The following RAB27A variants were observed in gnomAD, a reference collection of about 807,000 sequenced individuals.
The protein encoded by RAB27A is ras-related protein Rab-27A.
In RAB27A, 17 loss-of-function variants were observed where a neutral mutation model predicts 20.8. The observed-to-expected ratio is 0.82, with a 90% CI of 0.56 to 1.23. The LOEUF (loss-of-function observed/expected upper bound fraction) is 1.23, where lower values mean the gene tolerates loss of function less well. Ranked by LOEUF, RAB27A falls within the 50% of genes most tolerant of loss-of-function variation. The pLI, the probability that RAB27A is intolerant of heterozygous loss-of-function variation, is 0.00. For synonymous variants in RAB27A, 85 were observed against 92.8 expected, an observed-to-expected ratio of 0.92 and a Z score of 0.48; for missense variants, 277 against 266.7, an observed-to-expected ratio of 1.04 and a Z score of -0.27.
At chr15:55,248,376 G>A (rs573184213) in intron 2 of RAB27A, among the ~76,000 whole-genome samples, 1 of 152,264 alleles carries the variant, frequency 6.6e-6, no homozygotes, top group African/African-American at 2.4e-5. Flanking sequence ...CGGTTTGCAT[G>A]TGCAAAAAGT....
intron 2 of RAB27A, among the ~76,000 whole-genome samples, chr15:55,240,237 G>A (rs1037561240): frequency 1.3e-5 from 2 of 152,108 alleles, no homozygotes; most frequent in African/African-American, 4.8e-5. Flanking sequence ...TTTCAGGAAG[G>A]AGTAAACAGT....
intron 1 of RAB27A, chr15:55,317,901 T>C: frequency 2.6e-6 from 1 of 389,386 alleles, no homozygotes; most frequent in Non-Finnish European, 4.5e-6. Context: ...AGCCATCACT[T>C]AGTACAATGT....
chr15:55,229,470 G>A (rs561632933), intron 4 of RAB27A, among the ~76,000 whole-genome samples: 5 of 152,336 alleles, frequency 3.3e-5, no homozygotes, highest in Admixed American at 1.3e-4. Flanking sequence ...GAAGTCAGGA[G>A]TTAGAGACCA....
rs547870433 is a variant in RAB27A at position 55,262,399 on chromosome 15, G to A, written c.-23+7766C>T. On this transcript the variant is annotated intron_variant, in intron 2 of 6. Coordinates refer to ENST00000336787, the MANE Select transcript of RAB27A (RefSeq NM_183235.3). The stretch of plus-strand genomic sequence containing the variant: ...TACTCAAAATACAAAAAAATTAGCC[G>A]GGCGTGGTGGTAGGCACCTGTAGTC... Among the ~76,000 whole-genome samples, 706 of 151,724 alleles carry A rather than the reference G, an allele frequency of 4.7e-3. 1 individual carries two copies. Among genetic ancestry groups the A allele is most frequent in the Non-Finnish European group, 8.0e-3 (544 of 67,918 alleles).
At chr15:55,226,505 G>T (rs1486260612) in intron 5 of RAB27A, among the ~76,000 whole-genome samples, 3 of 139,188 alleles carry the variant, frequency 2.2e-5, no homozygotes, top group Admixed American at 1.4e-4. Flanking sequence ...TGATTTTTAT[G>T]TATTTGTGTG....
chr15:55,219,502 C>T (rs1367092291), intron 6 of RAB27A, among the ~76,000 whole-genome samples: 2 of 152,208 alleles, frequency 1.3e-5, no homozygotes, highest in African/African-American at 4.8e-5. Context: ...GCAGCAACAT[C>T]TAGAAACTGA....
In RAB27A at chr15:55,203,907, G is replaced by GT. The variant is rs1419924570; in HGVS notation, c.*1599dup. 7 of 152,116 alleles carry GT rather than the reference G, an allele frequency of 4.6e-5. No homozygotes were observed. Among genetic ancestry groups the GT allele is most frequent in the Admixed American group, 1.3e-4 (2 of 15,274 alleles). The allele number at this position is 152,116 out of a possible 1,614,324, so 9.4% of individuals were successfully genotyped here. A position where few individuals can be genotyped will look rare whatever the true frequency, so the allele number is the denominator to read the frequency against. On this transcript the variant is annotated 3_prime_UTR_variant, in exon 7 of 7. Transcript: ENST00000336787. Reference sequence around the variant, plus strand: ...GGAAGGACAGTGGAAAAAAAAATAGGTTTTTTCATGATACTTTTATTTTTC... The same window carrying GT: ...GGAAGGACAGTGGAAAAAAAAATAGGTTTTTTTCATGATACTTTTATTTTTC...
At chr15:55,245,117 G>A (rs28679526) in intron 2 of RAB27A, among the ~76,000 whole-genome samples, 3,983 of 152,160 alleles carry the variant, frequency 0.026, 205 homozygotes, top group African/African-American at 0.091. Context: ...AATGAGCCCT[G>A]GCCACAACTC....
chr15:55,300,313 A>G (rs142434196), intron 2 of RAB27A, among the ~76,000 whole-genome samples: 4 of 152,258 alleles, frequency 2.6e-5, no homozygotes, highest in Non-Finnish European at 5.9e-5. Flanking sequence ...CGGGAGTGCA[A>G]CCAGGGTGTC....
intron 1 of RAB27A, among the ~76,000 whole-genome samples, chr15:55,273,928 A>C (rs1897777865): frequency 6.6e-6 from 1 of 152,216 alleles, no homozygotes; most frequent in South Asian, 2.1e-4. Context: ...CTTTCTATCC[A>C]ACTAGAGGAG....
rs200956636 is a variant in RAB27A, at chr15:55,205,623, G to A, written c.550C>T (p.Arg184Ter). ...GACTTGTCCACACACCGTTCCATTC[G>A]CTTCATTATCAGGTCCAGAAGCATC... ...IEMLLDLIMK[R>*]MERCVDKSWI... Residue 184 changes from arginine (R) to a stop codon, truncating the protein, a stop_gained, in exon 7 of 7, where the codon CGA (arginine) becomes TGA (stop). Transcript: ENST00000336787. LOFTEE classifies it high-confidence loss of function. 1.0e-4 allele frequency: 162 copies of A among 1,613,920 alleles called. No homozygotes were observed. Among genetic ancestry groups the A allele is most frequent in the Non-Finnish European group, 1.3e-4 (148 of 1,179,976 alleles).
At chr15:55,316,243 A>AG (rs2141148685) in intron 1 of RAB27A, among the ~76,000 whole-genome samples, 1 of 152,052 alleles carries the variant, frequency 6.6e-6, no homozygotes, top group East Asian at 1.9e-4. Context: ...TCAAAAAAAA[A>AG]AAAAAAAAAA....
At chr15:55,242,690 C>T (rs1044344875) in intron 2 of RAB27A, among the ~76,000 whole-genome samples, 8 of 152,156 alleles carry the variant, frequency 5.3e-5, no homozygotes, top group Non-Finnish European at 1.2e-4. Context: ...TTTTGGGGCG[C>T]CCTATCCATC....
intron 2 of RAB27A, among the ~76,000 whole-genome samples, chr15:55,268,778 A>G (rs1169531839): frequency 1.3e-5 from 2 of 152,208 alleles, no homozygotes; most frequent in African/African-American, 4.8e-5. Flanking sequence ...TCATATTAAG[A>G]AGCTTTTCAG....
intron 5 of RAB27A, among the ~76,000 whole-genome samples, chr15:55,226,278 A>G (rs1895790502): frequency 6.6e-6 from 1 of 152,032 alleles, no homozygotes; most frequent in South Asian, 2.1e-4. Flanking sequence ...GGCCCAGAGG[A>G]CTCAGCCTCT....
At chr15:55,218,000 T>C (rs1333583204) in intron 6 of RAB27A, among the ~76,000 whole-genome samples, 1 of 152,224 alleles carries the variant, frequency 6.6e-6, no homozygotes, top group Non-Finnish European at 1.5e-5. Flanking sequence ...TTCACCAAGA[T>C]CTTGCTTGTG....
At chr15:55,232,569 A>G (rs2140983987) in intron 3 of RAB27A, among the ~76,000 whole-genome samples, 1 of 152,270 alleles carries the variant, frequency 6.6e-6, no homozygotes, top group South Asian at 2.1e-4. Context: ...TATTCAAAGA[A>G]CTTAAAAATC....
chr15:55,299,830 T>C (rs2054964257), intron 2 of RAB27A, among the ~76,000 whole-genome samples: 1 of 151,620 alleles, frequency 6.6e-6, no homozygotes, highest in Non-Finnish European at 1.5e-5. Flanking sequence ...TTTTTTCTTT[T>C]TTTTTTTTGA....
At chr15:55,298,006 T>C (rs1482684630) in intron 2 of RAB27A, among the ~76,000 whole-genome samples, 1 of 151,784 alleles carries the variant, frequency 6.6e-6, no homozygotes, top group African/African-American at 2.4e-5. Context: ...ATCGAGACCG[T>C]CCTGGCTAAC....
Sources: allele counts gnomAD v4.1 joint callset (sites outside exome capture counted in the v4.1 genomes callset), GRCh38; gene constraint gnomAD v4.1.1; transcripts MANE v1.5; gene names NCBI Gene and HGNC (gene_info 2026-07-23, HGNC 2026-07-21).